Variants in PRLR observed in about 807,000 individuals in gnomAD.
PRLR encodes hPRL receptor.
Under a neutral mutation model 40.2 loss-of-function variants are expected in PRLR, and 13 were observed. The ratio of observed to expected loss-of-function variants is 0.32; its 90% CI spans 0.21 to 0.51. The LOEUF is 0.51. Among genes scored for constraint, PRLR ranks in the 20% least tolerant of loss-of-function variants. PRLR has a pLI of 0.97. For missense variants in PRLR, 656 were observed against 747.3 expected, an observed-to-expected ratio of 0.88 and a Z score of 1.42; for synonymous variants, 269 against 278.7, an observed-to-expected ratio of 0.97 and a Z score of 0.35.
chr5:35,078,646 C>T (rs1228163489), intron 5 of PRLR, among the ~76,000 whole-genome samples: 1 of 151,946 alleles, frequency 6.6e-6, no homozygotes, highest in African/African-American at 2.4e-5. Flanking sequence ...GGAGCTGGTA[C>T]CATTCCTTCT....
At chr5:35,166,633 A>C (rs1299330046) in intron 1 of PRLR, among the ~76,000 whole-genome samples, 1 of 152,098 alleles carries the variant, frequency 6.6e-6, no homozygotes, top group Non-Finnish European at 1.5e-5. Flanking sequence ...TTCTCCTTTC[A>C]ATCTTGAAGA....
At chr5:35,083,581 A>C (rs993004614) in intron 5 of PRLR, among the ~76,000 whole-genome samples, 24 of 148,426 alleles carry the variant, frequency 1.6e-4, no homozygotes, top group African/African-American at 5.5e-4. Flanking sequence ...GTGCAGTGGC[A>C]TGATCTTGGC....
chr5:35,130,229 T>C (rs1463842588), intron 1 of PRLR: 3 of 152,226 alleles, frequency 2.0e-5, no homozygotes, highest in Non-Finnish European at 4.4e-5. Context: ...TAACTTGCTT[T>C]TGATGGTGGT....
At chr5:35,071,928 T>C (rs1769772023) in intron 6 of PRLR, among the ~76,000 whole-genome samples, 1 of 149,130 alleles carries the variant, frequency 6.7e-6, no homozygotes. Context: ...GGAGTTTCAT[T>C]CTTGTTGCCC....
intron 1 of PRLR, among the ~76,000 whole-genome samples, chr5:35,226,475 T>A (rs1776554906): frequency 6.6e-6 from 1 of 152,244 alleles, no homozygotes; most frequent in Admixed American, 6.5e-5. Context: ...CTTAGAATAG[T>A]ACAGTAGGCA....
intron 5 of PRLR, chr5:35,081,119 A>C (rs955618201): frequency 3.3e-5 from 5 of 152,220 alleles, no homozygotes; most frequent in African/African-American, 4.8e-5. Context: ...GCAGCACACC[A>C]ACATGGCACA....
intron 1 of PRLR, among the ~76,000 whole-genome samples, chr5:35,208,508 C>G (rs1776081075): frequency 6.6e-6 from 1 of 152,106 alleles, no homozygotes; most frequent in South Asian, 2.1e-4. Context: ...TCTGTCTTAC[C>G]TCTTGTGTCT....
In PRLR at chr5:35,064,759, G is replaced by T; in HGVS notation, c.*330C>A. 4.6e-6 allele frequency: 1 copy of T among 215,336 alleles called. No individual in the cohort carries two copies. The highest frequency in any genetic ancestry group is 1.3e-4 in the South Asian group (1 of 7,830). The allele number at this position is 215,336 out of a possible 1,614,324, so 13.3% of individuals were successfully genotyped here. A position where few individuals can be genotyped will look rare whatever the true frequency, so the allele number is the denominator to read the frequency against. On this transcript the variant is annotated 3_prime_UTR_variant, in exon 10 of 10. Coordinates refer to ENST00000618457, the MANE Select transcript of PRLR (RefSeq NM_000949.7). ...AATTTTGACAATTTCATTTCCGTCT[G>T]TCCCATGCCAAATCATGAAAGCCTT...
intron 5 of PRLR, among the ~76,000 whole-genome samples, chr5:35,080,886 C>T (rs943376933): frequency 2.0e-5 from 3 of 151,890 alleles, no homozygotes; most frequent in Non-Finnish European, 4.4e-5. Context: ...TTCATGTCTT[C>T]GTAGGGACAT....
chr5:35,089,244 T>C (rs1771054617), intron 3 of PRLR, among the ~76,000 whole-genome samples: 2 of 152,200 alleles, frequency 1.3e-5, no homozygotes, highest in Non-Finnish European at 2.9e-5. Flanking sequence ...GGTAATTGGC[T>C]CTAGGTCACA....
At chr5:35,072,057 G>A (rs973118451) in intron 6 of PRLR, among the ~76,000 whole-genome samples, 1 of 151,800 alleles carries the variant, frequency 6.6e-6, no homozygotes, top group Admixed American at 6.6e-5. Flanking sequence ...CACCACACCT[G>A]GCTAATTTTT....
intron 1 of PRLR, among the ~76,000 whole-genome samples, chr5:35,143,437 C>A (rs1261473626): frequency 1.3e-5 from 2 of 152,220 alleles, no homozygotes; most frequent in East Asian, 3.8e-4. Flanking sequence ...CTGTTTCTGT[C>A]TGACATTCCT....
intron 1 of PRLR, among the ~76,000 whole-genome samples, chr5:35,229,262 A>G (rs1312499722): frequency 6.6e-6 from 1 of 151,908 alleles, no homozygotes; most frequent in Non-Finnish European, 1.5e-5. Flanking sequence ...TCCCTGGTCA[A>G]GTGAAGCACG....
intron 1 of PRLR, among the ~76,000 whole-genome samples, chr5:35,174,406 T>C (rs982496537): frequency 2.0e-5 from 3 of 152,182 alleles, no homozygotes; most frequent in Admixed American, 6.5e-5. Context: ...GGTTTTTTTC[T>C]ACATCGACAC....
intron 4 of PRLR, among the ~76,000 whole-genome samples, chr5:35,085,399 A>G (rs1770785119): frequency 2.6e-5 from 4 of 152,136 alleles, no homozygotes; most frequent in Admixed American, 2.0e-4. Context: ...GCAACTAAAT[A>G]TTTTCCTTTC....
At chr5:35,219,893 G>A (rs1776373787) in intron 1 of PRLR, among the ~76,000 whole-genome samples, 1 of 152,180 alleles carries the variant, frequency 6.6e-6, no homozygotes, top group African/African-American at 2.4e-5. Context: ...GGGTAGGGCA[G>A]GAACAATCAT....
At chr5:35,187,943 A>C (rs1775491096) in intron 1 of PRLR, among the ~76,000 whole-genome samples, 1 of 152,150 alleles carries the variant, frequency 6.6e-6, no homozygotes, top group Non-Finnish European at 1.5e-5. Flanking sequence ...GCCCCATCAA[A>C]ATCTCTCTGT....
At chr5:35,191,484 G>T (rs34807259) in intron 1 of PRLR, among the ~76,000 whole-genome samples, 12,839 of 152,182 alleles carry the variant, frequency 0.084, 1,097 homozygotes, top group African/African-American at 0.21. Context: ...ATCATTTCTA[G>T]CCTATTTTAT....
intron 1 of PRLR, chr5:35,195,850 G>A (rs947673929): frequency 6.6e-5 from 10 of 152,160 alleles, no homozygotes; most frequent in Admixed American, 3.3e-4. Flanking sequence ...CTGGAGCTTC[G>A]GGTCAGGTGA....
Sources: gnomAD v4.1 joint callset for allele counts (sites outside exome capture counted in the v4.1 genomes callset) on GRCh38, gnomAD v4.1.1 for gene constraint, MANE v1.5 for transcripts, NCBI Gene and HGNC (gene_info 2026-07-23, HGNC 2026-07-21) for gene names.